Variants in C12orf42 observed in about 807,000 individuals in gnomAD.
C12orf42 encodes the protein uncharacterized protein C12orf42.
C12orf42 carries 25 observed loss-of-function variants against 21.6 expected under a neutral mutation model. The observed-to-expected ratio is 1.16, with a 90% CI of 0.84 to 1.62. The LOEUF is 1.62. Ranked by LOEUF, C12orf42 falls within the 40% of genes most tolerant of loss-of-function variation. The pLI, the probability that C12orf42 is intolerant of heterozygous loss-of-function variation, is 0.00. For missense variants in C12orf42, 483 were observed against 459.3 expected (o/e 1.05, Z -0.47); for synonymous variants, 174 against 175.0 (o/e 0.99, Z 0.05).
At chr12:103,434,424 C>A (rs914712404) in intron 2 of C12orf42, among the ~76,000 whole-genome samples, 1 of 150,970 alleles carries the variant, frequency 6.6e-6, no homozygotes, top group Non-Finnish European at 1.5e-5. Context: ...GGAACAGCTC[C>A]GGTCTACAGC....
chr12:103,201,864 CT>C, the C12orf42 span, among the ~76,000 whole-genome samples: 1 of 152,010 alleles, frequency 6.6e-6, no homozygotes, highest in Non-Finnish European at 1.5e-5. Flanking sequence ...CACTCGTTTG[CT>C]TTTTGTTAAC....
At chr12:103,150,933 C>T in the C12orf42 span, among the ~76,000 whole-genome samples, 127 of 152,138 alleles carry the variant, frequency 8.3e-4, no homozygotes, top group African/African-American at 2.8e-3. Context: ...ATTAAAACAT[C>T]GGAAGGGAGT....
intron 2 of C12orf42, among the ~76,000 whole-genome samples, chr12:103,408,872 A>G (rs1160079624): frequency 3.3e-5 from 5 of 152,224 alleles, no homozygotes; most frequent in Non-Finnish European, 7.3e-5. Flanking sequence ...TAAAAAATCC[A>G]GGAGATGAAC....
chr12:103,198,014 G>A, the C12orf42 span, among the ~76,000 whole-genome samples: 1 of 152,272 alleles, frequency 6.6e-6, no homozygotes, highest in Non-Finnish European at 1.5e-5. Flanking sequence ...TGTTTCACTG[G>A]GACAGAGGCA....
chr12:103,342,136 T>A (rs2042221055), intron 4 of C12orf42, among the ~76,000 whole-genome samples: 3 of 152,132 alleles, frequency 2.0e-5, no homozygotes. Context: ...TTACAGACCC[T>A]CTATGTAGTG....
chr12:103,149,010 C>G, the C12orf42 span, among the ~76,000 whole-genome samples: 1 of 152,100 alleles, frequency 6.6e-6, no homozygotes, highest in Non-Finnish European at 1.5e-5. Flanking sequence ...ATCCTTTATT[C>G]TTGTTGATCC....
chr12:103,138,172 A>C, the C12orf42 span, among the ~76,000 whole-genome samples: 1 of 152,188 alleles, frequency 6.6e-6, no homozygotes, highest in African/African-American at 2.4e-5. Flanking sequence ...CAACTAAAAA[A>C]ATCCCTTTCT....
chr12:103,480,905 T>C (rs1954421678), intron 1 of C12orf42, among the ~76,000 whole-genome samples: 1 of 151,700 alleles, frequency 6.6e-6, no homozygotes, highest in African/African-American at 2.4e-5. Flanking sequence ...ATCAAGCCTA[T>C]TAATTATGTT....
At chr12:103,093,275 T>C in the C12orf42 span, among the ~76,000 whole-genome samples, 2 of 152,148 alleles carry the variant, frequency 1.3e-5, no homozygotes, top group Non-Finnish European at 1.5e-5. Context: ...ATAGATTCAA[T>C]CTCTGCAGCA....
chr12:103,430,117 C>A (rs150578296), intron 2 of C12orf42, among the ~76,000 whole-genome samples: 2 of 152,234 alleles, frequency 1.3e-5, no homozygotes, highest in African/African-American at 4.8e-5. Flanking sequence ...CCAATGGGAT[C>A]TAATTAAACT....
chr12:103,099,393 A>T, the C12orf42 span, among the ~76,000 whole-genome samples: 8 of 152,340 alleles, frequency 5.3e-5, no homozygotes, highest in African/African-American at 7.2e-5. Context: ...CTAGCAAGGG[A>T]TACAGATGCA....
the C12orf42 span, among the ~76,000 whole-genome samples, chr12:103,190,454 T>A: frequency 1.3e-5 from 2 of 152,138 alleles, no homozygotes; most frequent in Non-Finnish European, 2.9e-5. Context: ...CATCAAGGCA[T>A]CCCTCAATCC....
the C12orf42 span, among the ~76,000 whole-genome samples, chr12:103,506,527 T>G: frequency 1.3e-5 from 2 of 151,874 alleles, no homozygotes; most frequent in East Asian, 3.9e-4. Flanking sequence ...ACACAAATAC[T>G]TACCATGGTG....
intron 4 of C12orf42, chr12:103,368,039 CA>C: frequency 7.8e-7 from 1 of 1,275,880 alleles, no homozygotes; most frequent in South Asian, 1.3e-5. Flanking sequence ...CTAAAAACTT[CA>C]TTATCTCTTA....
At chr12:103,125,407 A>C in the C12orf42 span, among the ~76,000 whole-genome samples, 1 of 152,206 alleles carries the variant, frequency 6.6e-6, no homozygotes, top group Non-Finnish European at 1.5e-5. Flanking sequence ...TCAAGACTCC[A>C]TAGGACCCTC....
chr12:103,333,982 C>T (rs111738427), intron 4 of C12orf42, among the ~76,000 whole-genome samples: 23 of 152,302 alleles, frequency 1.5e-4, no homozygotes, highest in African/African-American at 5.5e-4. Flanking sequence ...TCAAGCGCTG[C>T]TTCTTAATTA....
intron 2 of C12orf42, among the ~76,000 whole-genome samples, chr12:103,447,301 T>C (rs1015435990): frequency 6.6e-6 from 1 of 151,862 alleles, no homozygotes; most frequent in African/African-American, 2.4e-5. Context: ...GGTAAGGTAA[T>C]AAAAGCCATC....
At chr12:103,550,061 C>T in the C12orf42 span, among the ~76,000 whole-genome samples, 5 of 151,866 alleles carry the variant, frequency 3.3e-5, no homozygotes, top group African/African-American at 4.8e-5. Context: ...TGAAACTACT[C>T]CTTTTATTAC....
intron 4 of C12orf42, among the ~76,000 whole-genome samples, chr12:103,280,707 TTTG>T (rs1379460800): frequency 6.6e-6 from 1 of 152,312 alleles, no homozygotes; most frequent in Non-Finnish European, 1.5e-5. Flanking sequence ...ATGAAAGCTA[TTTG>T]TTATTGAGTG....
Sources: allele counts gnomAD v4.1 joint callset (sites outside exome capture counted in the v4.1 genomes callset), GRCh38; gene constraint gnomAD v4.1.1; transcripts MANE v1.5; gene names NCBI Gene and HGNC (gene_info 2026-07-23, HGNC 2026-07-21).